The following SMYD1 variants were observed in gnomAD, a reference collection of about 807,000 sequenced individuals.
SMYD1 encodes histone-lysine N-methyltransferase SMYD1.
A neutral mutation model predicts 54.0 loss-of-function variants in SMYD1; 49 were observed. The observed-to-expected ratio is 0.91, with a 90% CI of 0.72 to 1.15. The LOEUF is 1.15. Among genes scored for constraint, SMYD1 ranks in the 50% most tolerant of loss-of-function variants. SMYD1 has a pLI of 0.00. For missense variants in SMYD1, 653 were observed against 639.6 expected, an observed-to-expected ratio of 1.02 and a Z score of -0.23; for synonymous variants, 269 against 234.2, an observed-to-expected ratio of 1.15 and a Z score of -1.36.
At chr2:88,109,472 C>T (rs567269745) in intron 9 of SMYD1, among the ~76,000 whole-genome samples, 2 of 152,196 alleles carry the variant, frequency 1.3e-5, no homozygotes, top group South Asian at 2.1e-4. Context: ...GGTTGTGATG[C>T]GTGTTCATGA....
chr2:88,068,019 T>C lies in SMYD1; in HGVS notation c.137+18T>C, dbSNP rs765363348. On this transcript the variant is annotated intron_variant, in intron 1 of 9. Coordinates refer to ENST00000419482, the MANE Select transcript of SMYD1 (RefSeq NM_198274.4). Reference sequence around the variant, plus strand: ...TTTGACAGGTATGAAATGTGGGGAGTTGCCTTCTCTCCTGTTAGTTTGGCT... The same window carrying C: ...TTTGACAGGTATGAAATGTGGGGAGCTGCCTTCTCTCCTGTTAGTTTGGCT... 93 of 1,605,638 alleles carry C rather than the reference T, an allele frequency of 5.8e-5. No individual in the cohort carries two copies. The highest frequency in any genetic ancestry group is 5.7e-4 in the Middle Eastern group (3 of 5,286).
chr2:88,106,481 G>A lies in SMYD1; in HGVS notation c.1138G>A (p.Gly380Ser), dbSNP rs977030105. The A allele has an allele frequency of 5.6e-6, 9 of 1,613,258 alleles. No individual in the cohort carries two copies. The highest frequency in any genetic ancestry group is 2.2e-5 in the East Asian group (1 of 44,868). ...ASFYARRMVD[G>S]YMKLYHPNNA... ...GTTCTATGCCAGGAGGATGGTGGAC[G>A]GCTATATGTAGGTGACGATTCTAGG... The change falls in exon 8 of 10, where the codon GGC (glycine) becomes AGC (serine). Residue 380 changes from glycine to serine, a missense_variant. By Grantham distance (56) the Gly-to-Ser change is moderately conservative. Coordinates refer to ENST00000419482, the MANE Select transcript of SMYD1 (RefSeq NM_198274.4).
At chr2:88,104,236 G>C (rs956205699) in intron 7 of SMYD1, among the ~76,000 whole-genome samples, 2 of 152,148 alleles carry the variant, frequency 1.3e-5, no homozygotes, top group Non-Finnish European at 2.9e-5. Flanking sequence ...AAAGTGCTGG[G>C]ATTACAGGCG....
In SMYD1 at chr2:88,067,897, C is replaced by G. The variant is rs1464262897; in HGVS notation, c.33C>G (p.Val11=). The G allele has an allele frequency of 1.2e-6, 2 of 1,613,912 alleles. No individual in the cohort carries two copies. Among genetic ancestry groups the G allele is most frequent in the East Asian group, 2.2e-5 (1 of 44,894 alleles). The change falls in exon 1 of 10, where the codon GTC becomes GTG. Residue 11 remains valine (V), a synonymous_variant. Coordinates refer to ENST00000419482, the MANE Select transcript of SMYD1 (RefSeq NM_198274.4). The part of the protein sequence containing the change: MTIGRMENVE[V]FTAEGKGRGL... ...TAGGGAGAATGGAGAACGTGGAGGTCTTCACCGCTGAGGGCAAAGGAAGGG... is the reference window on the plus strand; with the variant it reads ...TAGGGAGAATGGAGAACGTGGAGGTGTTCACCGCTGAGGGCAAAGGAAGGG...
At chr2:88,106,675 G>A (rs1573122900) in intron 8 of SMYD1, among the ~76,000 whole-genome samples, 187 bp downstream of exon 8, 1 of 152,132 alleles carries the variant, frequency 6.6e-6, no homozygotes, top group Non-Finnish European at 1.5e-5. Context: ...ACCAATCAGA[G>A]TTTGTGCTTG....
chr2:88,107,267 GT>G (rs1159058987), intron 8 of SMYD1, among the ~76,000 whole-genome samples: 3 of 151,946 alleles, frequency 2.0e-5, no homozygotes, highest in African/African-American at 7.3e-5. Flanking sequence ...TGCTTTCTGT[GT>G]TTATGTTGTC....
chr2:88,101,857 G>A (rs1674728503), intron 6 of SMYD1, among the ~76,000 whole-genome samples: 1 of 152,194 alleles, frequency 6.6e-6, no homozygotes. Flanking sequence ...CTGCCCGCCT[G>A]GGCCTCCCAA....
chr2:88,085,540 C>A (rs543957547), intron 2 of SMYD1, among the ~76,000 whole-genome samples: 2 of 152,292 alleles, frequency 1.3e-5, no homozygotes, highest in African/African-American at 4.8e-5. Flanking sequence ...TTTTTAGGAA[C>A]CTGCAGGATG....
intron 5 of SMYD1, among the ~76,000 whole-genome samples, chr2:88,094,213 G>C (rs1326527873): frequency 6.6e-6 from 1 of 152,194 alleles, no homozygotes; most frequent in Admixed American, 6.5e-5. Flanking sequence ...ACTTGAGTCT[G>C]TGCTGGTGTG....
Position 88,088,030 on chromosome 2 carries a change from G to A in SMYD1, c.483G>A (p.Gln161=). 1.2e-6 allele frequency: 2 copies of A among 1,614,158 alleles called. No individual in the cohort carries two copies. The highest frequency in any genetic ancestry group is 1.6e-4 in the Middle Eastern group (1 of 6,062). ...VDTFLQYWPP[Q]SQQFSMQYIS... is the part of the protein sequence containing the mutation. The stretch of plus-strand genomic sequence containing the variant: ...CATTCTTGCAGTACTGGCCGCCGCA[G>A]AGCCAGCAGTTCAGCATGCAGTACA... The change falls in exon 3 of 10, where the codon CAG becomes CAA. Residue 161 remains glutamine, a synonymous_variant. Transcript: ENST00000419482.
chr2:88,105,881 T>C (rs113528903), intron 7 of SMYD1, among the ~76,000 whole-genome samples: 2,450 of 152,144 alleles, frequency 0.016, 81 homozygotes, highest in African/African-American at 0.056. Context: ...GAGGTTGCAG[T>C]GAGCTGAGAC....
intron 1 of SMYD1, among the ~76,000 whole-genome samples, chr2:88,075,564 GTCTCAC>G (rs60443764): frequency 0.45 from 64,036 of 141,782 alleles, 16,547 homozygotes; most frequent in East Asian, 0.92. Context: ...TTGAGATAGG[GTCTCAC>G]TCTGTTGGTC....
At chr2:88,076,512 C>A (rs887086001) in intron 1 of SMYD1, among the ~76,000 whole-genome samples, 1 of 152,152 alleles carries the variant, frequency 6.6e-6, no homozygotes, top group African/African-American at 2.4e-5. Context: ...CGTGAGCCAC[C>A]GCGCCCCGCC....
chr2:88,094,363 G>A (rs1428465985), intron 5 of SMYD1, among the ~76,000 whole-genome samples: 1 of 152,184 alleles, frequency 6.6e-6, no homozygotes, highest in Non-Finnish European at 1.5e-5. Flanking sequence ...CCTAACCTCT[G>A]TGAGAAATAC....
chr2:88,096,204 T>C (rs1674581747), intron 5 of SMYD1, among the ~76,000 whole-genome samples: 1 of 152,212 alleles, frequency 6.6e-6, no homozygotes, highest in African/African-American at 2.4e-5. Flanking sequence ...AAAATATTTT[T>C]AGGTTTTTTC....
chr2:88,110,468 C>T lies in SMYD1; in HGVS notation c.1429C>T (p.Pro477Ser), dbSNP rs781596537. Residue 477 changes from proline to serine, a missense_variant, in exon 10 of 10, where the codon CCC (proline) becomes TCC (serine). Physicochemically the swap from Pro to Ser is moderately conservative, Grantham distance 74. Coordinates refer to ENST00000419482, the MANE Select transcript of SMYD1 (RefSeq NM_198274.4). ...CCAGCCCATGCAGGTCATGGCCGAG[C>T]CCAGCAATGAGCCATCCCCAGCTCT... ...NNQPMQVMAEPSNEPSPALFH... is the reference protein window; with the variant it reads ...NNQPMQVMAESSNEPSPALFH... 2 of 1,600,878 alleles carry T rather than the reference C, an allele frequency of 1.2e-6. No homozygotes were observed. Among genetic ancestry groups the T allele is most frequent in the East Asian group, 2.2e-5 (1 of 44,498 alleles).
intron 6 of SMYD1, among the ~76,000 whole-genome samples, chr2:88,100,156 G>A (rs1409825809): frequency 6.6e-6 from 1 of 152,134 alleles, no homozygotes; most frequent in African/African-American, 2.4e-5. Flanking sequence ...GCAAATCAGA[G>A]TGTTCCTGCC....
chr2:88,084,466 T>C lies in SMYD1; in HGVS notation c.288T>C (p.Tyr96=), dbSNP rs374448121. 234 of 1,596,376 alleles carry C rather than the reference T, an allele frequency of 1.5e-4. No individual in the cohort carries two copies. The highest frequency in any genetic ancestry group is 1.9e-4 in the Non-Finnish European group (224 of 1,165,758). The change falls in exon 2 of 10, where the codon TAT becomes TAC. Residue 96 remains tyrosine, a synonymous_variant. Coordinates refer to ENST00000419482, the MANE Select transcript of SMYD1 (RefSeq NM_198274.4). ...HKNECSAIKR[Y]GKVPNENIRL... ...ATGAATGTTCGGCCATCAAGAGATA[T>C]GGGAAGGTGCCCAATGAGAACATCA...
Position 88,112,239 on chromosome 2 carries a change from T to A in SMYD1, c.*1727T>A. ...TCATATAAAATGTCTCCCCCAAACC[T>A]TTTTCCCTTCTTTGTCATTGTTATC... On this transcript the variant is annotated 3_prime_UTR_variant, in exon 10 of 10. Transcript: ENST00000419482. The A allele has an allele frequency of 1.5e-6, 1 of 673,392 alleles. No homozygotes were observed. The highest frequency in any genetic ancestry group is 2.7e-5 in the East Asian group (1 of 36,568). The allele number at this position is 673,392 out of a possible 1,614,324, so 41.7% of individuals were successfully genotyped here.
Sources: gnomAD v4.1 joint callset for allele counts (sites outside exome capture counted in the v4.1 genomes callset) on GRCh38, gnomAD v4.1.1 for gene constraint, MANE v1.5 for transcripts, NCBI Gene and HGNC (gene_info 2026-07-23, HGNC 2026-07-21) for gene names.